NUGGC: variants seen among roughly 807,000 people sequenced by gnomAD.
NUGGC encodes the protein nuclear GTPase SLIP-GC.
In NUGGC, 58 loss-of-function variants were observed where a neutral mutation model predicts 92.6. That is an observed-to-expected ratio of 0.63 (90% CI 0.51 to 0.78). The LOEUF is 0.78. Among genes scored for constraint, NUGGC ranks in the 30% least tolerant of loss-of-function variants. The pLI, the probability that NUGGC is intolerant of heterozygous loss-of-function variation, is 0.00. For synonymous variants in NUGGC, 376 were observed against 366.4 expected, an observed-to-expected ratio of 1.03 and a Z score of -0.30; for missense variants, 925 against 964.6, an observed-to-expected ratio of 0.96 and a Z score of 0.54.
At chr8:28,063,903 G>T (rs191339273) in intron 7 of NUGGC, among the ~76,000 whole-genome samples, 1 of 152,034 alleles carries the variant, frequency 6.6e-6, no homozygotes, top group Non-Finnish European at 1.5e-5. Flanking sequence ...GCTCCAGAGC[G>T]CCTCTGTTTA....
intron 10 of NUGGC, among the ~76,000 whole-genome samples, chr8:28,051,629 A>T (rs1810004860): frequency 1.3e-5 from 2 of 152,228 alleles, no homozygotes; most frequent in Admixed American, 6.5e-5. Context: ...TTTATAGTAA[A>T]AACTGAGCCA....
intron 13 of NUGGC, among the ~76,000 whole-genome samples, chr8:28,038,716 G>A (rs1809617593): frequency 6.6e-6 from 1 of 152,270 alleles, no homozygotes; most frequent in Middle Eastern, 3.4e-3. Flanking sequence ...TAACTGGTTG[G>A]CAAATACAAG....
chr8:28,044,851 C>T (rs1563219435), intron 12 of NUGGC, among the ~76,000 whole-genome samples: 1 of 152,216 alleles, frequency 6.6e-6, no homozygotes, highest in Non-Finnish European at 1.5e-5. Context: ...GGAGACAACA[C>T]AGCTGGTGAC....
intron 6 of NUGGC, 54 bp from the exon 7 acceptor site, chr8:28,064,785 C>T (rs551997819): frequency 2.0e-6 from 3 of 1,491,650 alleles, no homozygotes; most frequent in African/African-American, 2.7e-5. Context: ...GCTCTGTTCA[C>T]CCCGGTTGGC....
chr8:28,041,290 TA>T, intron 12 of NUGGC, 75 bp from the exon 13 acceptor site: 1 of 1,423,410 alleles, frequency 7.0e-7, no homozygotes, highest in South Asian at 1.3e-5. Context: ...TTGCTTTCTT[TA>T]AGCTTGTCAC....
chr8:28,065,403 G>A (rs1290636606), intron 6 of NUGGC, among the ~76,000 whole-genome samples: 3 of 152,034 alleles, frequency 2.0e-5, no homozygotes, highest in Non-Finnish European at 4.4e-5. Context: ...GTTGTGATCC[G>A]CCCTCCTCAG....
chr8:28,079,028 T>A (rs1223152967), intron 1 of NUGGC, among the ~76,000 whole-genome samples: 2 of 152,262 alleles, frequency 1.3e-5, no homozygotes, highest in Non-Finnish European at 2.9e-5. Context: ...GAATAGCATC[T>A]TTTAAATAAG....
At chr8:28,072,286 A>G (rs548581821) in intron 2 of NUGGC, among the ~76,000 whole-genome samples, 1 of 152,220 alleles carries the variant, frequency 6.6e-6, no homozygotes, top group Non-Finnish European at 1.5e-5. Flanking sequence ...ACTAAATACC[A>G]AGTGGTTGCT....
intron 10 of NUGGC, among the ~76,000 whole-genome samples, chr8:28,053,830 C>A (rs1335383638): frequency 6.6e-6 from 1 of 152,118 alleles, no homozygotes; most frequent in East Asian, 1.9e-4. Flanking sequence ...TTCAACAGAC[C>A]AAGACCAGCT....
intron 8 of NUGGC, 180 bp downstream of exon 8, chr8:28,060,246 C>A (rs1810263832): frequency 6.9e-6 from 5 of 720,334 alleles, no homozygotes; most frequent in South Asian, 6.0e-5. Flanking sequence ...ATTCCTAAGA[C>A]AACCCAACCA....
At chr8:28,081,698 G>A (rs1810854026) in intron 1 of NUGGC, among the ~76,000 whole-genome samples, 1 of 152,114 alleles carries the variant, frequency 6.6e-6, no homozygotes, top group Admixed American at 6.5e-5. Flanking sequence ...CTAACTCGGT[G>A]AAACTCTGTC....
chr8:28,039,574 T>C lies in NUGGC; in HGVS notation c.1611+1477A>G, dbSNP rs918412761. ...CAAGCTTTTACACAAAGCACACAGA[T>C]AACAACACCCAGAAGAGGCCAGGTG... is the stretch of plus-strand genomic sequence containing the variant. On this transcript the variant is annotated intron_variant, in intron 13 of 18. Coordinates refer to ENST00000413272, the MANE Select transcript of NUGGC (RefSeq NM_001010906.2). Among the ~76,000 whole-genome samples, 117 of 152,046 alleles carry C rather than the reference T, an allele frequency of 7.7e-4. 1 individual carries two copies. Among genetic ancestry groups the C allele is most frequent in the Non-Finnish European group, 1.5e-5 (1 of 68,006 alleles).
intron 2 of NUGGC, among the ~76,000 whole-genome samples, chr8:28,073,041 C>T (rs1398886930): frequency 5.3e-5 from 8 of 151,134 alleles, no homozygotes; most frequent in East Asian, 1.9e-4. Flanking sequence ...TCTCCACTCT[C>T]GCCCAGGCTG....
intron 7 of NUGGC, among the ~76,000 whole-genome samples, chr8:28,061,861 G>A (rs1810314563): frequency 6.6e-6 from 1 of 152,138 alleles, no homozygotes; most frequent in African/African-American, 2.4e-5. Context: ...CCCAACCCCA[G>A]CTCCCATCCC....
intron 13 of NUGGC, among the ~76,000 whole-genome samples, chr8:28,037,232 G>T (rs1243918919): frequency 6.6e-6 from 1 of 152,178 alleles, no homozygotes; most frequent in Non-Finnish European, 1.5e-5. Context: ...TAGTTCTGAT[G>T]AAGCTATTCT....
At chr8:28,045,456 T>G in intron 12 of NUGGC, 71 bp downstream of exon 12, 1 of 1,446,380 alleles carries the variant, frequency 6.9e-7, no homozygotes, top group Non-Finnish European at 9.4e-7. Context: ...ATAAGTTAAT[T>G]TTCTAACTTG....
chr8:28,030,110 T>A (rs1201064237), intron 16 of NUGGC, among the ~76,000 whole-genome samples, 200 bp downstream of exon 16: 1 of 152,082 alleles, frequency 6.6e-6, no homozygotes, highest in African/African-American at 2.4e-5. Context: ...GGACCAAGGG[T>A]AGACAGAAAG....
rs1201405875 is a variant in NUGGC at position 28,041,263 on chromosome 8, C to T, written c.1447-48G>A. 6.4e-6 allele frequency: 10 copies of T among 1,551,536 alleles called. No homozygotes were observed. In the South Asian group the frequency reaches 9.4e-5, roughly 15 times the overall value. ...AATCAGGCCACCCCCTCCCTAAGGG[C>T]ACCTTCTCCTGAAGCTTTGCTTTCT... On this transcript the variant is annotated intron_variant, in intron 12 of 18. Coordinates refer to ENST00000413272, the MANE Select transcript of NUGGC (RefSeq NM_001010906.2).
chr8:28,070,445 C>A, intron 2 of NUGGC, 89 bp from the exon 3 acceptor site: 1 of 685,952 alleles, frequency 1.5e-6, no homozygotes, highest in South Asian at 1.8e-5. Context: ...CTCAAAGGGT[C>A]TAACAGACTG....
Sources: gnomAD v4.1 joint callset for allele counts (sites outside exome capture counted in the v4.1 genomes callset) on GRCh38, gnomAD v4.1.1 for gene constraint, MANE v1.5 for transcripts, NCBI Gene and HGNC (gene_info 2026-07-23, HGNC 2026-07-21) for gene names.